UBL3: variants seen among roughly 807,000 people sequenced by gnomAD.
UBL3 encodes ubiquitin like 3, also known as ubiquitin-like protein 3.
UBL3 carries 6 observed loss-of-function variants against 18.4 expected under a neutral mutation model. The ratio of observed to expected loss-of-function variants is 0.33; its 90% CI spans 0.18 to 0.64. The LOEUF (loss-of-function observed/expected upper bound fraction) is 0.64. UBL3 is among the 30% of genes least tolerant of loss of function. The probability of loss-of-function intolerance (pLI) is 0.76; values close to 1 mark genes in which losing one functional copy is unlikely to be tolerated. For missense variants in UBL3, 109 were observed against 142.9 expected (o/e 0.76, Z 1.21); for synonymous variants, 49 against 46.6 (o/e 1.05, Z -0.21).
Position 29,849,845 on chromosome 13 carries a change from C to T in UBL3, c.-307G>A. On this transcript the variant is annotated 5_prime_UTR_variant, in exon 1 of 5. Transcript: ENST00000380680. ...CCAGGACCGGCCGCGCCAGGTGGAC[C>T]GAGCCGAGTGACACACGGACATGGA... 1.9e-6 allele frequency: 1 copy of T among 524,848 alleles called. No individual in the cohort carries two copies. The highest frequency in any genetic ancestry group is 3.4e-6 in the Non-Finnish European group (1 of 291,938). 32.5% of individuals were successfully genotyped at this position (524,848 alleles called of 1,614,324 possible). A position where few individuals can be genotyped will look rare whatever the true frequency, so the allele number is the denominator to read the frequency against.
chr13:29,779,988 G>C (rs1293766921), intron 1 of UBL3, among the ~76,000 whole-genome samples: 1 of 152,146 alleles, frequency 6.6e-6, no homozygotes, highest in Non-Finnish European at 1.5e-5. Context: ...CAGGTGGGGA[G>C]AGCAAGAAGG....
intron 1 of UBL3, among the ~76,000 whole-genome samples, chr13:29,787,101 A>C (rs1877340604): frequency 6.6e-6 from 1 of 152,206 alleles, no homozygotes; most frequent in Non-Finnish European, 1.5e-5. Context: ...ACATGAACAA[A>C]AAGCTGTTGG....
At chr13:29,777,444 C>A in intron 1 of UBL3, 181 bp from the exon 2 acceptor site, 1 of 688,288 alleles carries the variant, frequency 1.5e-6, no homozygotes, top group Non-Finnish European at 2.6e-6. Context: ...GATTTTATTT[C>A]CTATTATTTA....
At chr13:29,829,390 G>A (rs890579869) in intron 1 of UBL3, among the ~76,000 whole-genome samples, 1 of 151,604 alleles carries the variant, frequency 6.6e-6, no homozygotes, top group African/African-American at 2.4e-5. Flanking sequence ...CAGCAATGGC[G>A]GGCGCCCCTC....
intron 1 of UBL3, among the ~76,000 whole-genome samples, chr13:29,791,555 C>T (rs771158869): frequency 6.6e-6 from 1 of 152,124 alleles, no homozygotes; most frequent in Non-Finnish European, 1.5e-5. Flanking sequence ...ATTATAAATC[C>T]TATCCTGGCA....
intron 1 of UBL3, 140 bp downstream of exon 1, chr13:29,849,372 G>C (rs780255220): frequency 8.2e-6 from 9 of 1,101,584 alleles, no homozygotes; most frequent in Non-Finnish European, 1.2e-5. Flanking sequence ...GAAACCAGAA[G>C]CTCCAACTTC....
At chr13:29,831,818 C>G (rs768219246) in intron 1 of UBL3, among the ~76,000 whole-genome samples, 1 of 151,768 alleles carries the variant, frequency 6.6e-6, no homozygotes, top group Non-Finnish European at 1.5e-5. Context: ...CAAAAACAAA[C>G]AAACAAAAAA....
At chr13:29,814,129 T>C (rs1324255074) in intron 1 of UBL3, among the ~76,000 whole-genome samples, 1 of 151,288 alleles carries the variant, frequency 6.6e-6, no homozygotes, top group Non-Finnish European at 1.5e-5. Flanking sequence ...AGAATCTTTC[T>C]TTTTTTTAAA....
intron 1 of UBL3, among the ~76,000 whole-genome samples, chr13:29,837,488 G>C (rs925520546): frequency 2.0e-5 from 3 of 152,170 alleles, no homozygotes; most frequent in Non-Finnish European, 4.4e-5. Flanking sequence ...GGGGAAAAAA[G>C]AATGGAAACA....
Position 29,849,873 on chromosome 13 carries a change from G to T in UBL3, c.-335C>A, listed in dbSNP as rs1879325616. On this transcript the variant is annotated 5_prime_UTR_variant, in exon 1 of 5. Coordinates refer to ENST00000380680, the MANE Select transcript of UBL3 (RefSeq NM_007106.4). ...GCCGAGTGACACACGGACATGGAGA[G>T]GGGTGGGAGGGGGTTAAATGCGCCT... 3 of 470,824 alleles carry T rather than the reference G, an allele frequency of 6.4e-6. No individual in the cohort carries two copies. Among genetic ancestry groups the T allele is most frequent in the Non-Finnish European group, 1.2e-5 (3 of 258,090 alleles). 29.2% of individuals were successfully genotyped at this position (470,824 alleles called of 1,614,324 possible).
intron 1 of UBL3, among the ~76,000 whole-genome samples, chr13:29,826,716 C>T (rs1878629623): frequency 6.6e-6 from 1 of 152,012 alleles, no homozygotes; most frequent in South Asian, 2.1e-4. Flanking sequence ...TTATTTCTTG[C>T]CTTCTGCTAG....
In UBL3 at chr13:29,834,023, T is replaced by TA. The variant is rs576484989; in HGVS notation, c.27+15488dup. Among the ~76,000 whole-genome samples the TA allele has an allele frequency of 4.1e-4, 62 of 152,164 alleles. No homozygotes were observed. The Middle Eastern group carries it at 0.017, about 42-fold the overall frequency. The stretch of plus-strand genomic sequence containing the variant: ...CAACATGGTGAAACCCCGTCTGTAC[T>TA]AAGACTACAAAAATTAGCCAGGCAC... On this transcript the variant is annotated intron_variant, in intron 1 of 4. Transcript: ENST00000380680.
chr13:29,847,828 A>C (rs1037907842), intron 1 of UBL3, among the ~76,000 whole-genome samples: 8 of 152,202 alleles, frequency 5.3e-5, no homozygotes, highest in Non-Finnish European at 1.2e-4. Context: ...GCTCCCGGCA[A>C]CTTCAAGAGC....
chr13:29,768,919 AT>A (rs1415434342), intron 3 of UBL3, among the ~76,000 whole-genome samples: 1 of 152,098 alleles, frequency 6.6e-6, no homozygotes, highest in Admixed American at 6.6e-5. Flanking sequence ...GCTGTATATC[AT>A]TCTCATACCC....
rs201006689 is a variant in UBL3, at chr13:29,842,134, C to CTTTTTTT, written c.27+7371_27+7377dup. On this transcript the variant is annotated intron_variant, in intron 1 of 4. Coordinates refer to ENST00000380680, the MANE Select transcript of UBL3 (RefSeq NM_007106.4). ...ACTGAAAACTCCTCCCATTCTCTTT[C>CTTTTTTT]TTTTTTTTTTTTTTTTTTTTTTTTA... Among the ~76,000 whole-genome samples the CTTTTTTT allele has an allele frequency of 1.4e-3, 182 of 127,958 alleles. 5 individuals are homozygous for CTTTTTTT. The highest frequency in any genetic ancestry group is 2.3e-3 in the African/African-American group (67 of 29,630). The allele number at this position is 127,958 out of a possible 152,430, so 83.9% of individuals were successfully genotyped here.
intron 1 of UBL3, among the ~76,000 whole-genome samples, chr13:29,808,332 ACTTTAAATT>A: frequency 7.2e-6 from 1 of 138,282 alleles, no homozygotes; most frequent in Admixed American, 7.2e-5. Context: ...TGACATGACT[ACTTTAAATT>A]AATTACAAAA....
chr13:29,777,051 C>T (rs887816970), intron 2 of UBL3, 104 bp downstream of exon 2: 12 of 848,542 alleles, frequency 1.4e-5, no homozygotes, highest in Middle Eastern at 2.4e-4. Flanking sequence ...TCTCAATTTT[C>T]GGTTGTTCTT....
intron 1 of UBL3, among the ~76,000 whole-genome samples, chr13:29,818,254 T>C (rs1335956590): frequency 2.0e-5 from 3 of 152,142 alleles, no homozygotes; most frequent in Non-Finnish European, 4.4e-5. Flanking sequence ...GAAATCTAAA[T>C]TTAGACTAAC....
At chr13:29,783,969 A>G (rs1440453264) in intron 1 of UBL3, among the ~76,000 whole-genome samples, 1 of 152,196 alleles carries the variant, frequency 6.6e-6, no homozygotes, top group East Asian at 1.9e-4. Flanking sequence ...ATTCAAATGA[A>G]TTATATATTT....
Sources: allele counts gnomAD v4.1 joint callset (sites outside exome capture counted in the v4.1 genomes callset), GRCh38; gene constraint gnomAD v4.1.1; transcripts MANE v1.5; gene names NCBI Gene and HGNC (gene_info 2026-07-23, HGNC 2026-07-21).